The following TPST1 variants were observed in gnomAD, a reference collection of about 807,000 sequenced individuals.
The protein encoded by TPST1 is protein-tyrosine sulfotransferase 1.
TPST1 carries 20 observed loss-of-function variants against 34.8 expected under a neutral mutation model. The observed-to-expected ratio is 0.57, with a 90% CI of 0.40 to 0.84. The LOEUF (loss-of-function observed/expected upper bound fraction) is 0.84, where lower values mean the gene tolerates loss of function less well. TPST1 is among the 40% of genes least tolerant of loss of function. The probability of loss-of-function intolerance (pLI) is 0.00; values close to 1 mark genes in which losing one functional copy is unlikely to be tolerated. For synonymous variants in TPST1, 152 were observed against 159.4 expected, an observed-to-expected ratio of 0.95 and a Z score of 0.35; for missense variants, 353 against 455.5, an observed-to-expected ratio of 0.78 and a Z score of 2.05.
At chr7:66,227,119 C>T (rs1031597044) in intron 1 of TPST1, among the ~76,000 whole-genome samples, 3 of 144,060 alleles carry the variant, frequency 2.1e-5, no homozygotes, top group South Asian at 2.2e-4. Context: ...CTGCAACCTC[C>T]GCCTCCTGGG....
intron 3 of TPST1, among the ~76,000 whole-genome samples, chr7:66,328,859 GCTCTCTCTCT>G (rs755431410): frequency 1.6e-4 from 3 of 18,414 alleles, no homozygotes; most frequent in South Asian, 4.0e-3. Context: ...TCTCTCTCCC[GCTCTCTCTCT>G]CTCTCTCTCT....
chr7:66,223,619 GATAA>G (rs747406860), intron 1 of TPST1, among the ~76,000 whole-genome samples: 42 of 152,200 alleles, frequency 2.8e-4, no homozygotes, highest in African/African-American at 1.0e-3. Context: ...GAATCTAAAA[GATAA>G]ATAGTTTAGC....
chr7:66,240,875 G>A lies in TPST1; in HGVS notation c.450G>A (p.Gly150=). Residue 150 remains glycine (G), a synonymous_variant, in exon 2 of 6, where the codon GGG becomes GGA. Transcript: ENST00000304842. ...TACTAGAAATTATCGTTAAGCATGG[G>A]GAGCCAGCCCCTTATTTATGTAATA... ...AFLLEIIVKH[G]EPAPYLCNKD... The A allele has an allele frequency of 6.2e-7, 1 of 1,614,110 alleles. No homozygotes were observed. Among genetic ancestry groups the A allele is most frequent in the South Asian group, 1.1e-5 (1 of 91,082 alleles).
chr7:66,224,901 C>CTTTTTTTTTTTTTTTTTTT lies in TPST1; in HGVS notation c.-101-15411_-101-15393dup, dbSNP rs780952403. Among the ~76,000 whole-genome samples the CTTTTTTTTTTTTTTTTTTT allele has an allele frequency of 1.9e-4, 8 of 42,408 alleles. 1 individual carries two copies. Among genetic ancestry groups the CTTTTTTTTTTTTTTTTTTT allele is most frequent in the East Asian group, 1.6e-3 (2 of 1,230 alleles). The allele number at this position is 42,408 out of a possible 152,430, so 27.8% of individuals were successfully genotyped here. ...AACTGAGCCTGAACATTCTGGTATTCTTTTTTTTTTTTTTTTTTTTTTTTT... is the reference window on the plus strand; with the variant it reads ...AACTGAGCCTGAACATTCTGGTATTCTTTTTTTTTTTTTTTTTTTTTTTTTTTTTTTTTTTTTTTTTTTT... On this transcript the variant is annotated intron_variant, in intron 1 of 5. Coordinates refer to ENST00000304842, the MANE Select transcript of TPST1 (RefSeq NM_003596.4).
chr7:66,346,345 G>T (rs1022357474), intron 3 of TPST1, among the ~76,000 whole-genome samples: 1 of 152,084 alleles, frequency 6.6e-6, no homozygotes, highest in Non-Finnish European at 1.5e-5. Flanking sequence ...TATATTCCTA[G>T]TAGTGGGATT....
At chr7:66,336,001 T>G (rs957499645) in intron 3 of TPST1, among the ~76,000 whole-genome samples, 2 of 152,216 alleles carry the variant, frequency 1.3e-5, no homozygotes, top group African/African-American at 2.4e-5. Flanking sequence ...GAATTCAGAA[T>G]AAGCCTCTTT....
At chr7:66,357,179 T>C (rs1013124995) in intron 5 of TPST1, among the ~76,000 whole-genome samples, 98 of 152,322 alleles carry the variant, frequency 6.4e-4, no homozygotes, top group African/African-American at 2.2e-3. Flanking sequence ...ATATTTCAGC[T>C]GAAAGGGACC....
chr7:66,228,889 C>T (rs1789719161), intron 1 of TPST1, among the ~76,000 whole-genome samples: 1 of 152,052 alleles, frequency 6.6e-6, no homozygotes, highest in Admixed American at 6.6e-5. Flanking sequence ...CCTCAAATCT[C>T]TTGTGATTAA....
chr7:66,258,431 T>G (rs1039604858), intron 2 of TPST1, among the ~76,000 whole-genome samples: 2 of 152,340 alleles, frequency 1.3e-5, no homozygotes, highest in African/African-American at 4.8e-5. Context: ...ACAGACCATT[T>G]ATTAGTTAGT....
upstream of TPST1, among the ~76,000 whole-genome samples, chr7:66,200,396 C>A (rs1249132590): frequency 6.6e-6 from 1 of 151,870 alleles, no homozygotes; most frequent in African/African-American, 2.4e-5. Flanking sequence ...TGGGGCAAAG[C>A]CATCTATACA....
intron 3 of TPST1, among the ~76,000 whole-genome samples, chr7:66,328,899 TATATA>T (rs1391671080): frequency 5.3e-5 from 3 of 56,752 alleles, no homozygotes; most frequent in African/African-American, 8.5e-5. Flanking sequence ...TATATATATA[TATATA>T]TATTTTTTTT....
chr7:66,318,744 G>A (rs1311865288), intron 3 of TPST1, among the ~76,000 whole-genome samples: 3 of 152,290 alleles, frequency 2.0e-5, no homozygotes, highest in South Asian at 2.1e-4. Context: ...GAGTATAGGC[G>A]TGAGCCACCA....
At chr7:66,222,398 A>T (rs2116294630) in intron 1 of TPST1, among the ~76,000 whole-genome samples, 1 of 152,224 alleles carries the variant, frequency 6.6e-6, no homozygotes, top group East Asian at 1.9e-4. Flanking sequence ...AAAAAAAAAA[A>T]AAATTTCCTT....
intron 2 of TPST1, among the ~76,000 whole-genome samples, chr7:66,260,191 T>A (rs1296519098): frequency 6.6e-6 from 1 of 152,236 alleles, no homozygotes; most frequent in African/African-American, 2.4e-5. Context: ...TTTGAAATAT[T>A]TGCATATACC....
At position 66,234,406 on chromosome 7, in the gene TPST1, C is replaced by CACACAG. The variant is rs1220119927; in HGVS notation, c.-101-5914_-101-5913insGACACA. Among the ~76,000 whole-genome samples, 1,110 of 149,358 alleles carry CACACAG rather than the reference C, an allele frequency of 7.4e-3. 19 individuals are homozygous for CACACAG. Among genetic ancestry groups the CACACAG allele is most frequent in the African/African-American group, 0.026 (1,041 of 40,508 alleles). ...TGAAAAATAAAAGCATGGCTACACA[C>CACACAG]ACACACACACACACACACACACACA... On this transcript the variant is annotated intron_variant, in intron 1 of 5. Coordinates refer to ENST00000304842, the MANE Select transcript of TPST1 (RefSeq NM_003596.4).
chr7:66,271,821 T>C (rs1790710421), intron 2 of TPST1, among the ~76,000 whole-genome samples: 3 of 151,868 alleles, frequency 2.0e-5, no homozygotes, highest in African/African-American at 4.8e-5. Context: ...CCCTACATTT[T>C]AGGATTTTTT....
chr7:66,250,053 A>C (rs760247311), intron 2 of TPST1, among the ~76,000 whole-genome samples: 2 of 152,200 alleles, frequency 1.3e-5, no homozygotes, highest in South Asian at 2.1e-4. Context: ...ATCAAATACT[A>C]TCTCTCTCCG....
chr7:66,251,504 T>C (rs945911613), intron 2 of TPST1, among the ~76,000 whole-genome samples: 4 of 152,232 alleles, frequency 2.6e-5, no homozygotes, highest in Admixed American at 6.5e-5. Flanking sequence ...TTAATGTTCT[T>C]ACACATGCTC....
chr7:66,238,408 CTTT>C (rs370723283), intron 1 of TPST1, among the ~76,000 whole-genome samples: 6 of 131,910 alleles, frequency 4.5e-5, no homozygotes, highest in Admixed American at 3.0e-4. Context: ...ACAGCACTGG[CTTT>C]TTTTTTTTTT....
Sources: allele counts gnomAD v4.1 joint callset (sites outside exome capture counted in the v4.1 genomes callset), GRCh38; gene constraint gnomAD v4.1.1; transcripts MANE v1.5; gene names NCBI Gene and HGNC (gene_info 2026-07-23, HGNC 2026-07-21).